KIRREL1: variants seen among roughly 807,000 people sequenced by gnomAD.
The protein encoded by KIRREL1 is kirre like nephrin family adhesion molecule 1.
Under a neutral mutation model 83.3 loss-of-function variants are expected in KIRREL1, and 25 were observed. The observed-to-expected ratio is 0.30, with a 90% CI of 0.22 to 0.42. The LOEUF is 0.42. Among genes scored for constraint, KIRREL1 ranks in the 10% least tolerant of loss-of-function variants. The pLI is 1.00. For synonymous variants in KIRREL1, 388 were observed against 410.4 expected, an observed-to-expected ratio of 0.95 and a Z score of 0.66; for missense variants, 812 against 1,032.3, an observed-to-expected ratio of 0.79 and a Z score of 2.92.
intron 1 of KIRREL1, among the ~76,000 whole-genome samples, chr1:158,057,176 C>T (rs1661088626): frequency 6.6e-6 from 1 of 152,114 alleles, no homozygotes; most frequent in Admixed American, 6.5e-5. Flanking sequence ...AGCACTGTGG[C>T]CTAACACGAA....
At chr1:158,082,315 T>C (rs1367957802) in intron 3 of KIRREL1, among the ~76,000 whole-genome samples, 1 of 152,018 alleles carries the variant, frequency 6.6e-6, no homozygotes, top group Admixed American at 6.6e-5. Flanking sequence ...TGGTTTCTTC[T>C]CTGATGAAGA....
At chr1:158,060,506 TCTTA>T (rs1221264177) in intron 1 of KIRREL1, among the ~76,000 whole-genome samples, 1 of 152,206 alleles carries the variant, frequency 6.6e-6, no homozygotes, top group African/African-American at 2.4e-5. Flanking sequence ...TCCCCTGGTC[TCTTA>T]CTTCAATCTG....
chr1:158,094,523 G>A lies in KIRREL1; in HGVS notation c.1798-121G>A, dbSNP rs75893998. 2.8e-3 allele frequency: 3,494 copies of A among 1,252,298 alleles called. 63 individuals carry two copies. The African/African-American group carries it at 0.044, about 16-fold the overall frequency. 77.6% of individuals were successfully genotyped at this position (1,252,298 alleles called of 1,614,324 possible). A position where few individuals can be genotyped will look rare whatever the true frequency, so the allele number is the denominator to read the frequency against. On this transcript the variant is annotated intron_variant, in intron 14 of 14. Coordinates refer to ENST00000359209, the MANE Select transcript of KIRREL1 (RefSeq NM_018240.7). The surrounding 1 kb of genome is among the most constrained non-coding windows in gnomAD (Gnocchi z 4.6). The stretch of plus-strand genomic sequence containing the variant: ...GGAGGGTTTTTGAAGGAGCAGAGGA[G>A]GTGGAATGCTAGATGGGGACATAGG...
intron 1 of KIRREL1, among the ~76,000 whole-genome samples, chr1:157,996,996 A>T (rs190394146): frequency 2.0e-5 from 3 of 152,226 alleles, no homozygotes; most frequent in Non-Finnish European, 4.4e-5. Context: ...GTGAGATGGG[A>T]GGAGGAAGCC....
At chr1:158,037,190 G>A (rs1482025371) in intron 1 of KIRREL1, among the ~76,000 whole-genome samples, 1 of 152,126 alleles carries the variant, frequency 6.6e-6, no homozygotes, top group Non-Finnish European at 1.5e-5. Flanking sequence ...TCATCCCTCT[G>A]GGCTTGTTGA....
intron 1 of KIRREL1, among the ~76,000 whole-genome samples, chr1:158,036,020 T>C (rs1031271652): frequency 6.6e-6 from 1 of 152,140 alleles, no homozygotes; most frequent in African/African-American, 2.4e-5. Flanking sequence ...TCTCAACAAA[T>C]GCAGAGAACC....
At chr1:157,997,787 A>G (rs1360581778) in intron 1 of KIRREL1, among the ~76,000 whole-genome samples, 2 of 152,188 alleles carry the variant, frequency 1.3e-5, no homozygotes, top group African/African-American at 2.4e-5. Flanking sequence ...AGCCCTGTGT[A>G]ACTACTTCAT....
At chr1:158,047,827 C>A (rs574630336) in intron 1 of KIRREL1, among the ~76,000 whole-genome samples, 1 of 152,324 alleles carries the variant, frequency 6.6e-6, no homozygotes, top group Non-Finnish European at 1.5e-5. Context: ...CCTTCTCTGA[C>A]CCATGCACAA....
At chr1:157,995,107 G>A (rs1159629039) in intron 1 of KIRREL1, among the ~76,000 whole-genome samples, 1 of 152,220 alleles carries the variant, frequency 6.6e-6, no homozygotes, top group African/African-American at 2.4e-5. Flanking sequence ...GGGTAGAACA[G>A]CCTCAGGCAT....
In KIRREL1 at chr1:158,094,233, C is replaced by T. The variant is rs1422844921; in HGVS notation, c.1720-80C>T. 6.4e-6 allele frequency: 8 copies of T among 1,251,978 alleles called. No homozygotes were observed. The highest frequency in any genetic ancestry group is 4.4e-5 in the African/African-American group (3 of 67,530). 77.6% of individuals were successfully genotyped at this position (1,251,978 alleles called of 1,614,324 possible). A position where few individuals can be genotyped will look rare whatever the true frequency, so the allele number is the denominator to read the frequency against. On this transcript the variant is annotated intron_variant, in intron 13 of 14. Transcript: ENST00000359209. This position sits in a 1 kb window ranked among gnomAD's most constrained non-coding sequence, Gnocchi z 4.6. ...GACCCCACCCATGAGCAGGTGGCCT[C>T]TGAGCGTGGGGAGGGGTTGGTGAGG... is the stretch of plus-strand genomic sequence containing the variant.
At position 158,094,667 on chromosome 1, in the gene KIRREL1, C is replaced by T. The variant is rs754220759; in HGVS notation, c.1821C>T (p.Asn607=). Residue 607 remains asparagine, a synonymous_variant, in exon 15 of 15, where the codon AAC becomes AAT. Coordinates refer to ENST00000359209, the MANE Select transcript of KIRREL1 (RefSeq NM_018240.7). This position sits in a 1 kb window ranked among gnomAD's most constrained non-coding sequence, Gnocchi z 4.6. ...EMKDPTNGYY[N]VRAHEDRPSS... is the part of the protein sequence containing the mutation. ...AGGACCCCACCAATGGCTACTACAA[C>T]GTGCGTGCCCATGAAGACCGCCCGT... 59 of 1,604,120 alleles carry T rather than the reference C, an allele frequency of 3.7e-5. No individual in the cohort carries two copies. Among genetic ancestry groups the T allele is most frequent in the Admixed American group, 1.3e-4 (8 of 59,688 alleles).
intron 3 of KIRREL1, among the ~76,000 whole-genome samples, chr1:158,082,457 G>A (rs1661890357): frequency 6.6e-6 from 1 of 152,058 alleles, no homozygotes; most frequent in Non-Finnish European, 1.5e-5. Context: ...GCACACATGA[G>A]TTGAACAGAA....
At chr1:158,084,311 T>C (rs1661956833) in intron 3 of KIRREL1, 111 bp from the exon 4 acceptor site, 9 of 1,072,702 alleles carry the variant, frequency 8.4e-6, no homozygotes, top group Non-Finnish European at 1.2e-5. Context: ...TGGTACCGCC[T>C]ACCTAGAGGC....
chr1:158,092,569 G>A (rs7523599), intron 11 of KIRREL1, among the ~76,000 whole-genome samples: 16,234 of 151,954 alleles, frequency 0.11, 971 homozygotes, highest in Non-Finnish European at 0.14. Context: ...AGATGGTCTC[G>A]ATCTCCTGAC....
chr1:158,088,063 T>C lies in KIRREL1; in HGVS notation c.825T>C (p.Asn275=). Residue 275 remains asparagine, a synonymous_variant, in exon 7 of 15, where the codon AAT becomes AAC. Transcript: ENST00000359209. ...CCCACGAGAGTCGCTATGAGACAAA[T>C]GTGGATTATTCCTTTTTCACGGAGC... The part of the protein sequence containing the change: ...EDAHESRYET[N]VDYSFFTEPV... The C allele has an allele frequency of 1.2e-6, 2 of 1,614,046 alleles. No homozygotes were observed. The highest frequency in any genetic ancestry group is 1.7e-6 in the Non-Finnish European group (2 of 1,180,022).
intron 1 of KIRREL1, among the ~76,000 whole-genome samples, chr1:158,034,100 C>G (rs1209655149): frequency 6.6e-6 from 1 of 151,806 alleles, no homozygotes. Context: ...GGTGTAACCC[C>G]GTCTCTAGTA....
chr1:158,067,597 T>C (rs963017001), intron 1 of KIRREL1, among the ~76,000 whole-genome samples: 3 of 152,202 alleles, frequency 2.0e-5, no homozygotes, highest in African/African-American at 7.2e-5. Context: ...TTTTACAGGC[T>C]AAGGAGCCTG....
chr1:158,071,789 T>C (rs1373311242), intron 1 of KIRREL1, among the ~76,000 whole-genome samples: 2 of 152,144 alleles, frequency 1.3e-5, no homozygotes, highest in African/African-American at 4.8e-5. Flanking sequence ...GCGTGGATGG[T>C]GGACGGCCAG....
chr1:158,042,814 C>A (rs1660666127), intron 1 of KIRREL1, among the ~76,000 whole-genome samples: 1 of 151,174 alleles, frequency 6.6e-6, no homozygotes, highest in Admixed American at 6.6e-5. Context: ...TGGCTCACTC[C>A]TGTAATCCAA....
Sources: allele counts gnomAD v4.1 joint callset (sites outside exome capture counted in the v4.1 genomes callset), GRCh38; gene constraint gnomAD v4.1.1; non-coding constraint Gnocchi (gnomAD v3.1); transcripts MANE v1.5; gene names NCBI Gene and HGNC (gene_info 2026-07-23, HGNC 2026-07-21).